ATXN1: variants seen among roughly 807,000 people sequenced by gnomAD.
The protein encoded by ATXN1 is ataxin-1.
In ATXN1, 8 loss-of-function variants were observed where a neutral mutation model predicts 56.4. The observed-to-expected ratio is 0.14, with a 90% CI of 0.08 to 0.26. The LOEUF is 0.26. ATXN1 is among the 10% of genes least tolerant of loss of function. The pLI, the probability that ATXN1 is intolerant of heterozygous loss-of-function variation, is 1.00. For synonymous variants in ATXN1, 514 were observed against 494.6 expected (o/e 1.04, Z -0.52); for missense variants, 987 against 1,106.5 (o/e 0.89, Z 1.53).
At chr6:16,662,157 A>C (rs1396801562) in intron 2 of ATXN1, among the ~76,000 whole-genome samples, 1 of 152,178 alleles carries the variant, frequency 6.6e-6, no homozygotes, top group Non-Finnish European at 1.5e-5. Context: ...GGTGGGACTC[A>C]AACTCAGGCC....
chr6:16,447,305 A>G (rs1759656165), intron 6 of ATXN1, among the ~76,000 whole-genome samples: 1 of 152,196 alleles, frequency 6.6e-6, no homozygotes, highest in African/African-American at 2.4e-5. Context: ...GCATACTGCA[A>G]CCTTGGCCTC....
intron 6 of ATXN1, among the ~76,000 whole-genome samples, chr6:16,378,708 A>C (rs577459299): frequency 6.6e-6 from 1 of 151,864 alleles, no homozygotes; most frequent in Non-Finnish European, 1.5e-5. Context: ...ACAGGTGCAC[A>C]CCACCACCCC....
chr6:16,585,851 G>T lies in ATXN1; in HGVS notation c.-432C>A, dbSNP rs937921533. The T allele has an allele frequency of 5.3e-5, 8 of 152,174 alleles. No homozygotes were observed. The highest frequency in any genetic ancestry group is 4.6e-4 in the Admixed American group (7 of 15,284). The allele number at this position is 152,174 out of a possible 1,614,324, so 9.4% of individuals were successfully genotyped here. ...TCCTTGCAGCAGATCTTTTCACGAA[G>T]ATTTTGCTTGAGTAGAAAGGGTGGC... On this transcript the variant is annotated 5_prime_UTR_variant, in exon 4 of 8. Transcript: ENST00000436367.
At chr6:16,659,272 T>C (rs1321223556) in intron 2 of ATXN1, among the ~76,000 whole-genome samples, 2 of 152,226 alleles carry the variant, frequency 1.3e-5, no homozygotes, top group African/African-American at 4.8e-5. Context: ...ATTAGTTTTA[T>C]GTAACTCAGC....
intron 3 of ATXN1, among the ~76,000 whole-genome samples, chr6:16,644,586 G>GTGTGTA (rs755274853): frequency 2.7e-5 from 4 of 148,254 alleles, no homozygotes; most frequent in Non-Finnish European, 4.5e-5. Flanking sequence ...GTGTGTGTGT[G>GTGTGTA]TATACACACA....
chr6:16,692,386 T>C (rs761632710), intron 2 of ATXN1, among the ~76,000 whole-genome samples: 3 of 152,238 alleles, frequency 2.0e-5, no homozygotes, highest in Non-Finnish European at 2.9e-5. Flanking sequence ...GTAATCTGTA[T>C]GATTACTTTG....
At chr6:16,710,136 C>A (rs986865234) in intron 2 of ATXN1, among the ~76,000 whole-genome samples, 5 of 152,134 alleles carry the variant, frequency 3.3e-5, no homozygotes, top group African/African-American at 1.2e-4. Flanking sequence ...TTAATACTTT[C>A]CCTGTACGAT....
chr6:16,586,159 T>C (rs939452421), intron 3 of ATXN1, among the ~76,000 whole-genome samples: 1 of 152,050 alleles, frequency 6.6e-6, no homozygotes, highest in East Asian at 1.9e-4. Flanking sequence ...CAGGGGTTGC[T>C]TCCCACCCCA....
chr6:16,747,133 C>A (rs1161615987), intron 2 of ATXN1, among the ~76,000 whole-genome samples: 3 of 152,100 alleles, frequency 2.0e-5, no homozygotes, highest in Non-Finnish European at 4.4e-5. Context: ...TATTAAATTC[C>A]TTTTTAATAA....
rs1760200066 is a variant in ATXN1 at position 16,304,707 on chromosome 6, T to C, written c.*1622A>G. 6.5e-6 allele frequency: 1 copy of C among 152,794 alleles called. No individual in the cohort carries two copies. Among genetic ancestry groups the C allele is most frequent in the East Asian group, 1.9e-4 (1 of 5,194 alleles). 9.5% of individuals were successfully genotyped at this position (152,794 alleles called of 1,614,324 possible). On this transcript the variant is annotated 3_prime_UTR_variant, in exon 8 of 8. Coordinates refer to ENST00000436367, the MANE Select transcript of ATXN1 (RefSeq NM_001128164.2). ...TTAGAAAGAAATTTTGCTACATTTA[T>C]TTATGCTCGTTCAGTCCCCCAAACC... is the stretch of plus-strand genomic sequence containing the variant.
At position 16,529,496 on chromosome 6, in the gene ATXN1, A is replaced by G. The variant is rs1210206607; in HGVS notation, c.-360-6808T>C. Among the ~76,000 whole-genome samples the G allele has an allele frequency of 2.6e-5, 4 of 152,206 alleles. No homozygotes were observed. The East Asian group carries it at 5.8e-4, about 22-fold the overall frequency. The stretch of plus-strand genomic sequence containing the variant: ...ATCAGCATTTTACTTTAGTTATCAA[A>G]GTGTGGCAGATTGAACACCCGCTCA... On this transcript the variant is annotated intron_variant, in intron 4 of 7. Transcript: ENST00000436367.
chr6:16,465,641 T>C (rs1760090504), intron 6 of ATXN1, among the ~76,000 whole-genome samples: 1 of 151,970 alleles, frequency 6.6e-6, no homozygotes, highest in South Asian at 2.1e-4. Flanking sequence ...GGAAGAGTAG[T>C]CAGCAGAGCA....
intron 6 of ATXN1, among the ~76,000 whole-genome samples, chr6:16,444,523 C>G (rs779469814): frequency 2.0e-5 from 3 of 152,152 alleles, no homozygotes; most frequent in Non-Finnish European, 4.4e-5. Flanking sequence ...ATGCTGCAAT[C>G]TATGAATTTA....
chr6:16,319,859 T>C (rs1760605524), intron 7 of ATXN1, among the ~76,000 whole-genome samples: 1 of 150,392 alleles, frequency 6.6e-6, no homozygotes, highest in Admixed American at 6.6e-5. Flanking sequence ...TTTTCTCCTT[T>C]TTTTTTTTTT....
At chr6:16,739,521 C>A in intron 2 of ATXN1, 1 of 232,386 alleles carries the variant, frequency 4.3e-6, no homozygotes, top group Non-Finnish European at 9.2e-6. Flanking sequence ...TGGATGGGTG[C>A]CTTTTTTCTA....
At chr6:16,374,108 G>A (rs116580910) in intron 6 of ATXN1, among the ~76,000 whole-genome samples, 10 of 122,908 alleles carry the variant, frequency 8.1e-5, no homozygotes, top group East Asian at 2.6e-4. Context: ...TATATACCTC[G>A]AATTATACCA....
Position 16,437,447 on chromosome 6 carries a change from C to T in ATXN1, c.-161+48525G>A, listed in dbSNP as rs571801009. Among the ~76,000 whole-genome samples, 24 of 152,338 alleles carry T rather than the reference C, an allele frequency of 1.6e-4. No homozygotes were observed. In the South Asian group the frequency reaches 4.4e-3, roughly 28 times the overall value. ...CACAGCAGATCTCAGCGCTCTTCCC[C>T]TGATGTTTCTGCTCTTCCCATGCAC... is the stretch of plus-strand genomic sequence containing the variant. On this transcript the variant is annotated intron_variant, in intron 6 of 7. Coordinates refer to ENST00000436367, the MANE Select transcript of ATXN1 (RefSeq NM_001128164.2).
At chr6:16,523,367 C>T (rs1010481633) in intron 4 of ATXN1, among the ~76,000 whole-genome samples, 1 of 152,186 alleles carries the variant, frequency 6.6e-6, no homozygotes, top group Non-Finnish European at 1.5e-5. Flanking sequence ...GATCCTCCCT[C>T]CAAAGTCCCT....
intron 2 of ATXN1, among the ~76,000 whole-genome samples, chr6:16,691,952 T>C (rs1279782615): frequency 2.6e-5 from 4 of 152,220 alleles, no homozygotes; most frequent in Non-Finnish European, 1.5e-5. Flanking sequence ...GAAGGTGCCA[T>C]CTGTGAGCCT....
Sources: allele counts gnomAD v4.1 joint callset (sites outside exome capture counted in the v4.1 genomes callset), GRCh38; gene constraint gnomAD v4.1.1; transcripts MANE v1.5; gene names NCBI Gene and HGNC (gene_info 2026-07-23, HGNC 2026-07-21).